Variants in NLN observed in about 807,000 individuals in gnomAD.
NLN encodes neurolysin, mitochondrial.
Under a neutral mutation model 79.9 loss-of-function variants are expected in NLN, and 64 were observed. The observed-to-expected ratio is 0.80, with a 90% CI of 0.65 to 0.99. The LOEUF (loss-of-function observed/expected upper bound fraction) is 0.99. NLN is among the 50% of genes least tolerant of loss of function. The pLI, the probability that NLN is intolerant of heterozygous loss-of-function variation, is 0.00. For synonymous variants in NLN, 267 were observed against 296.6 expected (o/e 0.90, Z 1.02); for missense variants, 835 against 858.7 (o/e 0.97, Z 0.34).
rs1204996745 is a variant in NLN at position 65,734,362 on chromosome 5, A to G, written c.41+11948A>G. 1.4e-5 allele frequency among the ~76,000 whole-genome samples: 2 copies of G among 138,018 alleles called. 1 individual carries two copies. Among genetic ancestry groups the G allele is most frequent in the East Asian group, 4.0e-4 (2 of 4,982 alleles). The allele number at this position is 138,018 out of a possible 152,430, so 90.5% of individuals were successfully genotyped here. ...AGGCACGTGCTGACTGTGAGTGGAA[A>G]AACAAAGGTGACTCAGCTGGGGGCA... On this transcript the variant is annotated intron_variant, in intron 1 of 12. Coordinates refer to ENST00000380985, the MANE Select transcript of NLN (RefSeq NM_020726.5).
At chr5:65,806,894 C>T (rs1443530728) in intron 9 of NLN, among the ~76,000 whole-genome samples, 4 of 151,964 alleles carry the variant, frequency 2.6e-5, no homozygotes, top group East Asian at 1.9e-4. Context: ...TAAGAAATAG[C>T]GGCTGGCTGC....
chr5:65,792,867 T>A, intron 9 of NLN: 1 of 626,050 alleles, frequency 1.6e-6, no homozygotes, highest in Non-Finnish European at 3.0e-6. Context: ...GAAAGATGTT[T>A]GTTGAATAAC....
chr5:65,754,338 A>G (rs1159558493), intron 1 of NLN, among the ~76,000 whole-genome samples: 2 of 152,166 alleles, frequency 1.3e-5, no homozygotes, highest in Non-Finnish European at 2.9e-5. Context: ...GTGTACTCAC[A>G]CTTAGTGGGA....
chr5:65,786,649 G>T (rs1338552769), intron 7 of NLN, among the ~76,000 whole-genome samples: 1 of 151,938 alleles, frequency 6.6e-6, no homozygotes, highest in Non-Finnish European at 1.5e-5. Context: ...TTGAGACCCA[G>T]AGTCCAAGAC....
At chr5:65,785,646 GA>G in intron 6 of NLN, 128 bp from the exon 7 acceptor site, 1 of 597,492 alleles carries the variant, frequency 1.7e-6, no homozygotes, top group Non-Finnish European at 2.6e-6. Flanking sequence ...AATGGAACCA[GA>G]AATTTAAATG....
intron 1 of NLN, chr5:65,733,483 G>T: frequency 7.2e-7 from 1 of 1,388,040 alleles, no homozygotes; most frequent in Non-Finnish European, 1.0e-6. Context: ...CATCTGGAGA[G>T]TCTTGACAAC....
rs377525738 is a variant in NLN at position 65,788,106 on chromosome 5, T to C, written c.959-12T>C. On this transcript the variant is annotated splice_polypyrimidine_tract_variant and intron_variant, in intron 7 of 12. Transcript: ENST00000380985. Reference sequence around the variant, plus strand: ...AAGCAAGTAGATCACTAACTTTTCCTTTTCCTTACAGATGATTTAAGCCAG... The same window carrying C: ...AAGCAAGTAGATCACTAACTTTTCCCTTTCCTTACAGATGATTTAAGCCAG... 6 of 1,603,996 alleles carry C rather than the reference T, an allele frequency of 3.7e-6. No homozygotes were observed. The South Asian group carries it at 5.6e-5, about 15-fold the overall frequency.
intron 11 of NLN, among the ~76,000 whole-genome samples, chr5:65,811,385 G>C (rs1181867389): frequency 6.6e-6 from 1 of 151,936 alleles, no homozygotes; most frequent in Non-Finnish European, 1.5e-5. Context: ...ATCAAGAAGG[G>C]ACATTTTTAG....
rs200524715 is a variant in NLN at position 65,738,159 on chromosome 5, A to G, written c.41+15745A>G. 3.3e-5 allele frequency among the ~76,000 whole-genome samples: 5 copies of G among 151,786 alleles called. No individual in the cohort carries two copies. The East Asian group carries it at 9.7e-4, about 29-fold the overall frequency. On this transcript the variant is annotated intron_variant, in intron 1 of 12. Coordinates refer to ENST00000380985, the MANE Select transcript of NLN (RefSeq NM_020726.5). ...AGAAAAAAAAAAAAAAGCCAAGGCA[A>G]TACAACCTAGTAAGAGTGATAAGGC... is the stretch of plus-strand genomic sequence containing the variant.
chr5:65,738,962 T>TTATA (rs1394424485), intron 1 of NLN, among the ~76,000 whole-genome samples: 1 of 56,222 alleles, frequency 1.8e-5, no homozygotes, highest in African/African-American at 8.6e-5. Flanking sequence ...TATATATATG[T>TTATA]ATATATAAAT....
At chr5:65,738,814 T>G (rs1445221225) in intron 1 of NLN, among the ~76,000 whole-genome samples, 1 of 150,014 alleles carries the variant, frequency 6.7e-6, no homozygotes, top group Non-Finnish European at 1.5e-5. Flanking sequence ...AGGAGTGCAG[T>G]GATGTGATCT....
intron 9 of NLN, among the ~76,000 whole-genome samples, chr5:65,794,518 T>C (rs570056257): frequency 5.9e-5 from 9 of 152,170 alleles, no homozygotes; most frequent in African/African-American, 1.9e-4. Flanking sequence ...GGCAGGAGGA[T>C]TGCCTGAGCC....
At chr5:65,774,715 T>TTA (rs201576019) in intron 3 of NLN, among the ~76,000 whole-genome samples, 94 of 134,074 alleles carry the variant, frequency 7.0e-4, no homozygotes, top group African/African-American at 2.3e-3. Flanking sequence ...CATATATAAA[T>TTA]TATATATATA....
At chr5:65,789,521 A>T (rs1282571074) in intron 8 of NLN, among the ~76,000 whole-genome samples, 1 of 152,212 alleles carries the variant, frequency 6.6e-6, no homozygotes, top group Non-Finnish European at 1.5e-5. Context: ...TCACACCTGT[A>T]ATCCCAGCAT....
chr5:65,750,240 T>C (rs1759075696), intron 1 of NLN, among the ~76,000 whole-genome samples: 1 of 152,262 alleles, frequency 6.6e-6, no homozygotes, highest in Non-Finnish European at 1.5e-5. Context: ...ACCCACTTAC[T>C]ACAAGTGGCT....
At chr5:65,798,056 C>T (rs540521301) in intron 9 of NLN, among the ~76,000 whole-genome samples, 23 of 152,048 alleles carry the variant, frequency 1.5e-4, no homozygotes, top group African/African-American at 5.3e-4. Context: ...CCCCAGGAAG[C>T]GAAAGACAAG....
intron 3 of NLN, among the ~76,000 whole-genome samples, chr5:65,774,886 G>A (rs190462899): frequency 2.2e-3 from 330 of 151,784 alleles, no homozygotes; most frequent in Middle Eastern, 0.01. Flanking sequence ...CACCACACCC[G>A]GCTGATTTTT....
rs1015527877 is a variant in NLN, at chr5:65,824,811, A to G, written c.*1896A>G. 3 of 152,200 alleles carry G rather than the reference A, an allele frequency of 2.0e-5. No homozygotes were observed. Among genetic ancestry groups the G allele is most frequent in the Admixed American group, 6.5e-5 (1 of 15,272 alleles). The allele number at this position is 152,200 out of a possible 1,614,324, so 9.4% of individuals were successfully genotyped here. ...TAAAATCTACCAAAGAGCAGTCACA[A>G]AATTAAAACTCAGCCCGGGCGCAGT... On this transcript the variant is annotated 3_prime_UTR_variant, in exon 13 of 13. Transcript: ENST00000380985.
intron 1 of NLN, among the ~76,000 whole-genome samples, chr5:65,750,108 G>A (rs949815259): frequency 6.6e-6 from 1 of 152,208 alleles, no homozygotes; most frequent in Non-Finnish European, 1.5e-5. Context: ...GCACAGGCAG[G>A]GCTGCTTGGC....
Sources: allele counts gnomAD v4.1 joint callset (sites outside exome capture counted in the v4.1 genomes callset), GRCh38; gene constraint gnomAD v4.1.1; transcripts MANE v1.5; gene names NCBI Gene and HGNC (gene_info 2026-07-23, HGNC 2026-07-21).